The following COG5 variants were observed in gnomAD, a reference collection of about 807,000 sequenced individuals.
COG5 encodes the protein conserved oligomeric Golgi complex subunit 5.
In COG5, 86 loss-of-function variants were observed where a neutral mutation model predicts 110.4. The ratio of observed to expected loss-of-function variants is 0.78; its 90% CI spans 0.65 to 0.93. The LOEUF is 0.93. Ranked by LOEUF, COG5 falls within the 40% of genes least tolerant of loss-of-function variation. COG5 has a pLI of 0.00. For synonymous variants in COG5, 360 were observed against 334.6 expected, an observed-to-expected ratio of 1.08 and a Z score of -0.83; for missense variants, 1,077 against 987.0, an observed-to-expected ratio of 1.09 and a Z score of -1.22.
intron 5 of COG5, among the ~76,000 whole-genome samples, chr7:107,544,293 C>G (rs527944503): frequency 6.6e-6 from 1 of 152,280 alleles, no homozygotes; most frequent in African/African-American, 2.4e-5. Flanking sequence ...TCCCAGGTGC[C>G]AGCAACTGGT....
intron 7 of COG5, 54 bp downstream of exon 7, chr7:107,412,448 T>C: frequency 1.3e-6 from 2 of 1,553,002 alleles, no homozygotes; most frequent in Non-Finnish European, 1.8e-6. Context: ...AGTCAAATGT[T>C]CACCTGTATT....
chr7:107,322,136 G>C (rs1399702536), intron 11 of COG5, among the ~76,000 whole-genome samples: 1 of 152,150 alleles, frequency 6.6e-6, no homozygotes, highest in African/African-American at 2.4e-5. Context: ...TGGTCTGAAT[G>C]GTTTTATCTC....
intron 19 of COG5, among the ~76,000 whole-genome samples, chr7:107,225,571 A>G (rs1035238785): frequency 6.6e-6 from 1 of 152,052 alleles, no homozygotes; most frequent in Non-Finnish European, 1.5e-5. Flanking sequence ...CTGGAGTGCA[A>G]TGACCCAATC....
chr7:107,248,892 T>C (rs913828285), intron 16 of COG5, among the ~76,000 whole-genome samples: 13 of 152,208 alleles, frequency 8.5e-5, no homozygotes, highest in African/African-American at 2.9e-4. Context: ...TGGAACAACA[T>C]CATATGCTTT....
At chr7:107,518,457 A>G (rs538042080) in intron 6 of COG5, among the ~76,000 whole-genome samples, 17 of 152,306 alleles carry the variant, frequency 1.1e-4, no homozygotes, top group African/African-American at 2.6e-4. Context: ...ATAAGAGGAT[A>G]GATGAAAATT....
intron 19 of COG5, among the ~76,000 whole-genome samples, chr7:107,219,678 AG>A (rs1305108656): frequency 6.6e-6 from 1 of 152,136 alleles, no homozygotes; most frequent in Non-Finnish European, 1.5e-5. Context: ...CCAGAGGCTA[AG>A]GGGGGAGGAA....
At chr7:107,296,535 T>G (rs962638298) in intron 12 of COG5, among the ~76,000 whole-genome samples, 1 of 151,772 alleles carries the variant, frequency 6.6e-6, no homozygotes, top group Non-Finnish European at 1.5e-5. Flanking sequence ...TCTCATTCTA[T>G]GATTCTAACC....
Position 107,335,007 on chromosome 7 carries a change from T to C in COG5, c.1027-10486A>G, listed in dbSNP as rs1810584846. On this transcript the variant is annotated intron_variant, in intron 10 of 21. Transcript: ENST00000297135. The stretch of plus-strand genomic sequence containing the variant: ...TAAAGATTGACATGTTTTATATTTA[T>C]AGGCAACACAAAAATATGTAAATTG... Among the ~76,000 whole-genome samples the C allele has an allele frequency of 3.3e-5, 5 of 152,232 alleles. No homozygotes were observed. In the South Asian group the frequency reaches 1.0e-3, roughly 31 times the overall value.
chr7:107,532,552 T>C (rs1584939669), intron 5 of COG5, among the ~76,000 whole-genome samples: 3 of 152,222 alleles, frequency 2.0e-5, no homozygotes, highest in South Asian at 2.1e-4. Context: ...CACACAAATA[T>C]AAGGTATATA....
intron 6 of COG5, among the ~76,000 whole-genome samples, chr7:107,522,921 G>C (rs1312202614): frequency 2.6e-5 from 4 of 152,138 alleles, no homozygotes; most frequent in Non-Finnish European, 5.9e-5. Context: ...AGGAGTCTTT[G>C]TAATAAGTCT....
At chr7:107,208,558 A>G in intron 21 of COG5, 1 of 985,400 alleles carries the variant, frequency 1.0e-6, no homozygotes, top group African/African-American at 1.7e-5. Flanking sequence ...GGGAAAAATA[A>G]TCCACACAGA....
chr7:107,332,608 T>C (rs981340240), intron 10 of COG5, among the ~76,000 whole-genome samples: 3 of 151,984 alleles, frequency 2.0e-5, no homozygotes, highest in Non-Finnish European at 4.4e-5. Context: ...GAAGTAAACA[T>C]GGTCTGAGAA....
At chr7:107,430,705 T>C (rs776908474) in intron 6 of COG5, among the ~76,000 whole-genome samples, 18 of 152,342 alleles carry the variant, frequency 1.2e-4, no homozygotes, top group Non-Finnish European at 2.1e-4. Flanking sequence ...TGGGAAGTGC[T>C]GCCATCTGTG....
intron 10 of COG5, among the ~76,000 whole-genome samples, chr7:107,350,211 G>A (rs746684619): frequency 2.7e-4 from 41 of 152,062 alleles, no homozygotes; most frequent in Admixed American, 2.0e-4. Flanking sequence ...TGGATCCTCC[G>A]TAATTTTTAA....
intron 11 of COG5, among the ~76,000 whole-genome samples, chr7:107,322,982 C>T (rs942135500): frequency 6.6e-6 from 1 of 151,964 alleles, no homozygotes; most frequent in African/African-American, 2.4e-5. Flanking sequence ...GTTGCCAGGA[C>T]CCAGGGAGTG....
chr7:107,434,687 T>C (rs1407147379), intron 6 of COG5, among the ~76,000 whole-genome samples: 4 of 152,034 alleles, frequency 2.6e-5, no homozygotes, highest in Non-Finnish European at 5.9e-5. Flanking sequence ...ATGAACAAAA[T>C]TGGCTGGGCG....
At chr7:107,266,197 C>A (rs975765958) in intron 14 of COG5, among the ~76,000 whole-genome samples, 1 of 152,122 alleles carries the variant, frequency 6.6e-6, no homozygotes, top group African/African-American at 2.4e-5. Context: ...TAGGTTTACA[C>A]AGGAATTTGT....
chr7:107,252,902 T>C (rs1802626509), intron 16 of COG5: 1 of 152,156 alleles, frequency 6.6e-6, no homozygotes, highest in African/African-American at 2.4e-5. Context: ...GAAGGGAACT[T>C]GTTTAGTCTG....
rs909715038 is a variant in COG5, at chr7:107,216,815, C to T, written c.2169-5590G>A. Among the ~76,000 whole-genome samples, 3 of 152,048 alleles carry T rather than the reference C, an allele frequency of 2.0e-5. No homozygotes were observed. In the South Asian group the frequency reaches 6.2e-4, roughly 32 times the overall value. On this transcript the variant is annotated intron_variant, in intron 19 of 21. Transcript: ENST00000297135. ...AAAAATAAACATCTCAAATAAAGAA[C>T]CTACTCAAGAAACTACAAGAGAAGA...
Sources: gnomAD v4.1 joint callset for allele counts (sites outside exome capture counted in the v4.1 genomes callset) on GRCh38, gnomAD v4.1.1 for gene constraint, MANE v1.5 for transcripts, NCBI Gene and HGNC (gene_info 2026-07-23, HGNC 2026-07-21) for gene names.